TOM1L2: variants seen among roughly 807,000 people sequenced by gnomAD.
TOM1L2 encodes the protein target of myb1 like 2 membrane trafficking protein.
In TOM1L2, 31 loss-of-function variants were observed where a neutral mutation model predicts 67.9. The ratio of observed to expected loss-of-function variants is 0.46; its 90% confidence interval spans 0.34 to 0.62. The LOEUF is 0.62. Ranked by LOEUF, TOM1L2 falls within the 20% of genes least tolerant of loss-of-function variation. TOM1L2 has a pLI of 0.01. For synonymous variants in TOM1L2, 256 were observed against 254.0 expected (o/e 1.01, Z -0.07); for missense variants, 606 against 663.5 (o/e 0.91, Z 0.95).
intron 1 of TOM1L2, among the ~76,000 whole-genome samples, chr17:17,967,235 G>A (rs1044746219): frequency 6.6e-6 from 1 of 152,214 alleles, no homozygotes; most frequent in Non-Finnish European, 1.5e-5. Flanking sequence ...CTCTGCAACA[G>A]AATATCTGCT....
At chr17:17,861,637 T>A in intron 11 of TOM1L2, 86 bp from the exon 12 acceptor site, 1 of 1,149,014 alleles carries the variant, frequency 8.7e-7, no homozygotes, top group Non-Finnish European at 1.3e-6. Flanking sequence ...ATCACTTCTA[T>A]CCTATGGTCC....
chr17:17,971,325 G>A (rs2042070987), intron 1 of TOM1L2, among the ~76,000 whole-genome samples: 1 of 152,120 alleles, frequency 6.6e-6, no homozygotes, highest in South Asian at 2.1e-4. Flanking sequence ...AAGGTCATAT[G>A]GAGTCACTGA....
rs764201570 is a variant in TOM1L2 at position 17,869,395 on chromosome 17, C to T, written c.856G>A (p.Glu286Lys). The T allele has an allele frequency of 3.4e-5, 55 of 1,613,376 alleles. No homozygotes were observed. Among genetic ancestry groups the T allele is most frequent in the Non-Finnish European group, 4.3e-5 (51 of 1,180,014 alleles). Residue 286 changes from glutamate to lysine, a missense_variant, in exon 8 of 15, where the codon GAG becomes AAG. By Grantham distance (56) the Glu-to-Lys change is moderately conservative. Transcript: ENST00000379504. ...ISRVSNEEVT[E>K]ELLHVNDDLN... is the part of the protein sequence containing the mutation. Reference sequence around the variant, plus strand: ...TCATCGTTCACATGCAGCAGCTCCTCGGTGACCTCCTCATTGGACACGCGG... The same window carrying T: ...TCATCGTTCACATGCAGCAGCTCCTTGGTGACCTCCTCATTGGACACGCGG...
At chr17:17,873,566 AG>A (rs1375758451) in intron 7 of TOM1L2, among the ~76,000 whole-genome samples, 4 of 152,246 alleles carry the variant, frequency 2.6e-5, no homozygotes, top group African/African-American at 7.2e-5. Context: ...AGTAGACTGC[AG>A]GAAGTGTCTC....
intron 2 of TOM1L2, among the ~76,000 whole-genome samples, chr17:17,899,782 C>T (rs747474891): frequency 4.6e-5 from 7 of 152,194 alleles, no homozygotes; most frequent in Admixed American, 1.3e-4. Flanking sequence ...CCAGCTTGCA[C>T]GTTTGTTAAG....
chr17:17,853,415 T>C (rs1046020430), intron 12 of TOM1L2, among the ~76,000 whole-genome samples: 6 of 152,198 alleles, frequency 3.9e-5, no homozygotes, highest in Non-Finnish European at 7.3e-5. Flanking sequence ...TTTCTTGTAA[T>C]TGTTTTGTTG....
intron 12 of TOM1L2, among the ~76,000 whole-genome samples, chr17:17,856,848 C>T (rs2036277824): frequency 6.6e-6 from 1 of 152,222 alleles, no homozygotes; most frequent in South Asian, 2.1e-4. Flanking sequence ...CAGGAGAGAC[C>T]CTTGCAGGTC....
intron 1 of TOM1L2, among the ~76,000 whole-genome samples, chr17:17,947,789 T>C (rs1200211850): frequency 3.3e-5 from 5 of 152,242 alleles, no homozygotes; most frequent in African/African-American, 1.2e-4. Flanking sequence ...AAGTGAAGTC[T>C]GATTTTGAAG....
At chr17:17,879,189 G>A (rs917796765) in intron 7 of TOM1L2, among the ~76,000 whole-genome samples, 1 of 152,180 alleles carries the variant, frequency 6.6e-6, no homozygotes, top group Admixed American at 6.5e-5. Context: ...GGTTGAACAG[G>A]CCCTCCTGCA....
At chr17:17,867,265 T>A (rs1360911235) in intron 8 of TOM1L2, among the ~76,000 whole-genome samples, 1 of 152,102 alleles carries the variant, frequency 6.6e-6, no homozygotes, top group African/African-American at 2.4e-5. Context: ...GCAGACTCCC[T>A]ATTTCATAGG....
At chr17:17,912,260 C>T (rs1224016817) in intron 1 of TOM1L2, among the ~76,000 whole-genome samples, 2 of 150,706 alleles carry the variant, frequency 1.3e-5, no homozygotes, top group South Asian at 2.1e-4. Context: ...ACCTCCCGGA[C>T]GGGGCGGCTG....
intron 1 of TOM1L2, among the ~76,000 whole-genome samples, chr17:17,955,539 C>T (rs1275330117): frequency 1.3e-5 from 2 of 152,018 alleles, no homozygotes; most frequent in Non-Finnish European, 2.9e-5. Flanking sequence ...CAGGGTTTCA[C>T]CATATTGGCC....
chr17:17,851,188 G>A (rs962384002), intron 12 of TOM1L2: 8 of 550,006 alleles, frequency 1.5e-5, no homozygotes, highest in African/African-American at 3.8e-5. Flanking sequence ...CGGCAGGGCC[G>A]GCGGTAAGGA....
At position 17,866,434 on chromosome 17, in the gene TOM1L2, G is replaced by T; in HGVS notation, c.961-15C>A. Reference sequence around the variant, plus strand: ...TCATTCAGTACCTGTCAGAACATGAGATTGGCCATAAGCCCCAGAACCCTG... The same window carrying T: ...TCATTCAGTACCTGTCAGAACATGATATTGGCCATAAGCCCCAGAACCCTG... On this transcript the variant is annotated splice_polypyrimidine_tract_variant and intron_variant, in intron 9 of 14. Transcript: ENST00000379504. 6.3e-7 allele frequency: 1 copy of T among 1,583,788 alleles called. No individual in the cohort carries two copies. The highest frequency in any genetic ancestry group is 8.6e-7 in the Non-Finnish European group (1 of 1,162,614).
intron 7 of TOM1L2, among the ~76,000 whole-genome samples, chr17:17,875,001 A>G (rs1390878690): frequency 2.0e-5 from 3 of 152,180 alleles, no homozygotes; most frequent in Non-Finnish European, 4.4e-5. Flanking sequence ...TCACACCTGT[A>G]ATCTCAGCAC....
At chr17:17,906,182 A>G (rs1313074665) in intron 2 of TOM1L2, among the ~76,000 whole-genome samples, 1 of 148,126 alleles carries the variant, frequency 6.8e-6, no homozygotes, top group Non-Finnish European at 1.5e-5. Context: ...AAACTGGAGT[A>G]CAGTGGCATG....
At chr17:17,906,375 C>T (rs372310496) in intron 2 of TOM1L2, among the ~76,000 whole-genome samples, 28 of 152,042 alleles carry the variant, frequency 1.8e-4, no homozygotes, top group African/African-American at 6.5e-4. Context: ...GCAACTGGCC[C>T]ACCTTGGCCT....
chr17:17,909,224 T>C (rs1056565401), intron 1 of TOM1L2, among the ~76,000 whole-genome samples: 2 of 152,044 alleles, frequency 1.3e-5, no homozygotes, highest in African/African-American at 2.4e-5. Context: ...AGCATTACCC[T>C]ATGATCTAGC....
At position 17,861,499 on chromosome 17, in the gene TOM1L2, T is replaced by C. The variant is rs2036558262; in HGVS notation, c.1255A>G (p.Asn419Asp). The C allele has an allele frequency of 1.2e-6, 2 of 1,613,954 alleles. No individual in the cohort carries two copies. The highest frequency in any genetic ancestry group is 1.3e-5 in the African/African-American group (1 of 74,910). The change falls in exon 12 of 15, where the codon AAT becomes GAT. Residue 419 changes from asparagine (N) to aspartate (D), a missense_variant. Coordinates refer to ENST00000379504, the MANE Select transcript of TOM1L2 (RefSeq NM_001082968.2). ...AVGGLASALD[N>D]RKQSSEGIPV... ...ACCCCTTCTGAACTCTGTTTTCGAT[T>C]GTCTAGTGCAGAAGCAAGTCCTCCG...
Sources: allele counts gnomAD v4.1 joint callset (sites outside exome capture counted in the v4.1 genomes callset), GRCh38; gene constraint gnomAD v4.1.1; transcripts MANE v1.5; gene names NCBI Gene and HGNC (gene_info 2026-07-23, HGNC 2026-07-21).